SAP130: variants seen among roughly 807,000 people sequenced by gnomAD.
The protein encoded by SAP130 is Sin3A associated protein 130, also known as histone deacetylase complex subunit SAP130.
A neutral mutation model predicts 103.2 loss-of-function variants in SAP130; 16 were observed. The observed-to-expected ratio is 0.16, with a 90% CI of 0.10 to 0.24. The LOEUF (loss-of-function observed/expected upper bound fraction) is 0.24, where lower values mean the gene tolerates loss of function less well. Ranked by LOEUF, SAP130 falls within the 10% of genes least tolerant of loss-of-function variation. SAP130 has a pLI of 1.00. For missense variants in SAP130, 990 were observed against 1,359.7 expected, an observed-to-expected ratio of 0.73 and a Z score of 4.28; for synonymous variants, 477 against 497.0, an observed-to-expected ratio of 0.96 and a Z score of 0.53.
At chr2:127,966,343 T>C (rs1680655450) in intron 15 of SAP130, among the ~76,000 whole-genome samples, 1 of 151,960 alleles carries the variant, frequency 6.6e-6, no homozygotes, top group African/African-American at 2.4e-5. Flanking sequence ...AGACTCCGTC[T>C]CAAAAAAATA....
chr2:127,956,935 A>G (rs1679883045), intron 15 of SAP130, among the ~76,000 whole-genome samples: 1 of 152,118 alleles, frequency 6.6e-6, no homozygotes, highest in Non-Finnish European at 1.5e-5. Context: ...ACAAAAACAA[A>G]AACATTTTGG....
chr2:127,968,687 T>C (rs1680853774), intron 15 of SAP130, among the ~76,000 whole-genome samples: 1 of 151,986 alleles, frequency 6.6e-6, no homozygotes, highest in African/African-American at 2.4e-5. Context: ...GGCTAATTTT[T>C]GTATTTTTAG....
At position 127,989,835 on chromosome 2, in the gene SAP130, T is replaced by C; in HGVS notation, c.1509A>G (p.Thr503=). Residue 503 remains threonine, a synonymous_variant, in exon 13 of 21, where the codon ACA becomes ACG. Coordinates refer to ENST00000643581, the MANE Select transcript of SAP130 (RefSeq NM_001330301.2). The surrounding 1 kb of genome is among the most constrained non-coding windows in gnomAD (Gnocchi z 4.6). ...ACGCTACCCCAACACCAGTCTGAGC[T>C]GTGATGGCAGAGTTTGGAGCCTGAG... ...VSAQAPNSAI[T]AQTGVGVAST... The C allele has an allele frequency of 6.2e-7, 1 of 1,614,092 alleles. No homozygotes were observed. The highest frequency in any genetic ancestry group is 8.5e-7 in the Non-Finnish European group (1 of 1,179,932).
chr2:127,965,832 G>C (rs551432179), intron 15 of SAP130, among the ~76,000 whole-genome samples: 1 of 151,650 alleles, frequency 6.6e-6, no homozygotes, highest in Admixed American at 6.7e-5. Context: ...TTAACACAGG[G>C]AATTTAATAT....
intron 2 of SAP130, 27 bp downstream of exon 2, chr2:128,026,154 A>C (rs747613365): frequency 6.9e-7 from 1 of 1,442,274 alleles, no homozygotes; most frequent in East Asian, 2.3e-5. Flanking sequence ...AGTAGGAAAA[A>C]ATATATTAGA....
Position 127,995,322 on chromosome 2 carries a change from G to A in SAP130, c.1355+1028C>T, listed in dbSNP as rs141228154. On this transcript the variant is annotated intron_variant, in intron 11 of 20. Transcript: ENST00000643581. ...GTTCAATAGGAATCTAGAATATCTC[G>A]TCATTGGAAAATAAGGAAAGGCTAG... 2.0e-3 allele frequency among the ~76,000 whole-genome samples: 301 copies of A among 152,196 alleles called. 1 individual carries two copies. The highest frequency in any genetic ancestry group is 7.0e-3 in the African/African-American group (289 of 41,536).
intron 2 of SAP130, among the ~76,000 whole-genome samples, chr2:128,021,080 AT>A (rs1240073180): frequency 2.0e-5 from 3 of 152,124 alleles, no homozygotes; most frequent in Admixed American, 2.0e-4. Flanking sequence ...TTATTTCCAA[AT>A]TTTTGCTTTT....
intron 11 of SAP130, 70 bp from the exon 12 acceptor site, chr2:127,993,378 C>A (rs1456033725): frequency 6.7e-7 from 1 of 1,485,232 alleles, no homozygotes; most frequent in Non-Finnish European, 9.0e-7. Flanking sequence ...ATCCTATACC[C>A]CAGTTCCTCT....
rs1188253573 is a variant in SAP130 at position 127,944,901 on chromosome 2, C to CAAA, written c.2901+552_2901+554dup. The stretch of plus-strand genomic sequence containing the variant: ...TGGGTAACAGAGCAAGACCTTGTCT[C>CAAA]AAAAAAAAAAAAAAAAAAAAAAAGA... On this transcript the variant is annotated intron_variant, in intron 19 of 20. Coordinates refer to ENST00000643581, the MANE Select transcript of SAP130 (RefSeq NM_001330301.2). Among the ~76,000 whole-genome samples, 55 of 77,478 alleles carry CAAA rather than the reference C, an allele frequency of 7.1e-4. 1 individual carries two copies. Among genetic ancestry groups the CAAA allele is most frequent in the African/African-American group, 2.5e-3 (49 of 19,506 alleles). The allele number at this position is 77,478 out of a possible 152,430, so 50.8% of individuals were successfully genotyped here.
At chr2:128,027,413 G>A in intron 1 of SAP130, 2 of 954,894 alleles carry the variant, frequency 2.1e-6, no homozygotes, top group Non-Finnish European at 2.6e-6. Context: ...CCACCCTCCC[G>A]CCGACTGCCA....
intron 7 of SAP130, among the ~76,000 whole-genome samples, chr2:128,009,812 T>G (rs1322094759): frequency 1.3e-5 from 2 of 152,222 alleles, no homozygotes; most frequent in Admixed American, 6.5e-5. Context: ...AACACAATCC[T>G]GTCTCAGAGC....
chr2:127,995,206 A>C (rs1322218738), intron 11 of SAP130, among the ~76,000 whole-genome samples: 3 of 152,260 alleles, frequency 2.0e-5, no homozygotes. Context: ...GACAACCCAT[A>C]GCAACAAGCA....
At chr2:127,954,163 G>A (rs909114887) in intron 16 of SAP130, among the ~76,000 whole-genome samples, 7 of 152,118 alleles carry the variant, frequency 4.6e-5, no homozygotes, top group Non-Finnish European at 8.8e-5. Flanking sequence ...TTTGAAGAAA[G>A]TGCCAAGGGT....
chr2:127,961,781 C>A (rs1170054881), intron 15 of SAP130, among the ~76,000 whole-genome samples: 1 of 152,038 alleles, frequency 6.6e-6, no homozygotes, highest in Non-Finnish European at 1.5e-5. Context: ...AGCCAGACTT[C>A]CCAAAGTATG....
chr2:127,963,726 C>CT (rs1680434675), intron 15 of SAP130, among the ~76,000 whole-genome samples: 1 of 152,086 alleles, frequency 6.6e-6, no homozygotes, highest in Non-Finnish European at 1.5e-5. Context: ...GTGATAGTAA[C>CT]TAAGTCTCAT....
chr2:127,981,910 C>T (rs956419153), intron 14 of SAP130, among the ~76,000 whole-genome samples: 1 of 152,136 alleles, frequency 6.6e-6, no homozygotes, highest in African/African-American at 2.4e-5. Flanking sequence ...GTAAGGGGGG[C>T]TGCCTCCTCT....
At chr2:127,980,195 T>C (rs1457720317) in intron 14 of SAP130, among the ~76,000 whole-genome samples, 2 of 152,098 alleles carry the variant, frequency 1.3e-5, no homozygotes, top group East Asian at 3.8e-4. Context: ...TTTTCTTATG[T>C]TTAAACTTTT....
At chr2:127,945,426 A>C (rs1200803665) in intron 19 of SAP130, 30 bp downstream of exon 19, 1 of 1,324,016 alleles carries the variant, frequency 7.6e-7, no homozygotes, top group South Asian at 1.2e-5. Flanking sequence ...TCTCTTCAGC[A>C]TGATGAACAA....
chr2:128,020,906 G>C (rs990746079), intron 2 of SAP130, among the ~76,000 whole-genome samples: 4 of 152,052 alleles, frequency 2.6e-5, no homozygotes, highest in Admixed American at 2.6e-4. Context: ...TGAGGCGGAA[G>C]AATCACTTGA....
Sources: gnomAD v4.1 joint callset for allele counts (sites outside exome capture counted in the v4.1 genomes callset) on GRCh38, gnomAD v4.1.1 for gene constraint, Gnocchi (gnomAD v3.1) non-coding constraint, MANE v1.5 for transcripts, NCBI Gene and HGNC (gene_info 2026-07-23, HGNC 2026-07-21) for gene names.